The following BPIFB3 variants were observed in gnomAD, a reference collection of about 807,000 sequenced individuals.
The protein encoded by BPIFB3 is BPI fold-containing family B member 3.
BPIFB3 carries 49 observed loss-of-function variants against 53.1 expected under a neutral mutation model. The observed-to-expected ratio is 0.92, with a 90% confidence interval of 0.73 to 1.17. The LOEUF is 1.17. BPIFB3 is among the 50% of genes most tolerant of loss of function. BPIFB3 has a pLI of 0.00. For synonymous variants in BPIFB3, 271 were observed against 269.6 expected (o/e 1.01, Z -0.05); for missense variants, 628 against 592.5 (o/e 1.06, Z -0.62).
intron 1 of BPIFB3, among the ~76,000 whole-genome samples, chr20:33,056,042 A>T (rs542907181): frequency 1.3e-5 from 2 of 152,294 alleles, no homozygotes; most frequent in South Asian, 4.1e-4. Context: ...CCCTTCCCAC[A>T]GTCTGCACAG....
chr20:33,061,830 T>A, exon 5 of BPIFB3: 1 of 1,614,178 alleles, frequency 6.2e-7, no homozygotes. Flanking sequence ...CTTCCGGGAC[T>A]GGTGAGTGTG....
chr20:33,060,059 C>A lies in BPIFB3; in HGVS notation c.527+28C>A, dbSNP rs201767689. The A allele has an allele frequency of 2.7e-4, 436 of 1,609,418 alleles. 5 individuals are homozygous for A. In the East Asian group the frequency reaches 8.3e-3, roughly 31 times the overall value. On this transcript the variant is annotated intron_variant, in intron 4 of 14. Coordinates refer to ENST00000375494, the Ensembl canonical transcript of BPIFB3. ...GAGTCTGCAGGTTCCAGCCTGCAAC[C>A]CTGACCCGCTCAGGATCATCTCGCA... is the stretch of plus-strand genomic sequence containing the variant.
upstream of BPIFB3, among the ~76,000 whole-genome samples, chr20:33,054,608 G>A (rs1289507016): frequency 6.6e-6 from 1 of 152,142 alleles, no homozygotes; most frequent in Non-Finnish European, 1.5e-5. Flanking sequence ...AAGGGGCCTG[G>A]CATGTTTAAG....
At chr20:33,059,130 A>G (rs1600537043) in intron 2 of BPIFB3, among the ~76,000 whole-genome samples, 1 of 152,124 alleles carries the variant, frequency 6.6e-6, no homozygotes, top group African/African-American at 2.4e-5. Flanking sequence ...TTGAGCACAC[A>G]CCGTACCAGG....
chr20:33,069,826 A>G (rs1980811525), intron 10 of BPIFB3, 62 bp from the exon 12 acceptor site: 2 of 1,542,992 alleles, frequency 1.3e-6, no homozygotes, highest in South Asian at 2.2e-5. Flanking sequence ...GGATGGAGGC[A>G]GACCCGTCCT....
chr20:33,058,975 C>T lies in BPIFB3; in HGVS notation c.282-403C>T, dbSNP rs116987244. Among the ~76,000 whole-genome samples, 37 of 152,188 alleles carry T rather than the reference C, an allele frequency of 2.4e-4. 1 individual carries two copies. The East Asian group carries it at 6.6e-3, about 27-fold the overall frequency. ...GAGGAGTCGTGTTTGAGAACCCACT[C>T]GGGTTGCATTTGTGTGAGTGTGCAG... On this transcript the variant is annotated intron_variant, in intron 2 of 14. Coordinates refer to ENST00000375494, the Ensembl canonical transcript of BPIFB3.
intron 9 of BPIFB3, among the ~76,000 whole-genome samples, chr20:33,068,058 C>T (rs186666555): frequency 3.0e-4 from 46 of 152,314 alleles, no homozygotes; most frequent in Admixed American, 2.4e-3. Context: ...AGGCAGTCAG[C>T]GTATATCCAC....
chr20:33,069,681 A>G (rs907937474), intron 10 of BPIFB3, among the ~76,000 whole-genome samples: 2 of 152,078 alleles, frequency 1.3e-5, no homozygotes, highest in Admixed American at 6.5e-5. Context: ...CTACATTACC[A>G]ATTGCCCTCA....
At chr20:33,065,655 AC>A (rs1298327216) in intron 8 of BPIFB3, among the ~76,000 whole-genome samples, 1 of 152,194 alleles carries the variant, frequency 6.6e-6, no homozygotes, top group Admixed American at 6.5e-5. Context: ...ACCAAGAGTT[AC>A]CCAAACATTT....
chr20:33,054,850 A>C (rs1164208662), upstream of BPIFB3, among the ~76,000 whole-genome samples: 1 of 152,194 alleles, frequency 6.6e-6, no homozygotes, highest in Non-Finnish European at 1.5e-5. Flanking sequence ...TTTTTCAACA[A>C]GATTTGGGGT....
intron 8 of BPIFB3, among the ~76,000 whole-genome samples, chr20:33,066,569 A>G (rs1373272179): frequency 1.3e-5 from 2 of 152,168 alleles, no homozygotes; most frequent in East Asian, 1.9e-4. Flanking sequence ...AATGAGGGCA[A>G]TGGTAGCACC....
At chr20:33,061,650 A>G (rs184221641) in intron 4 of BPIFB3, 118 bp from the exon 6 acceptor site, 418 of 1,004,548 alleles carry the variant, frequency 4.2e-4, no homozygotes, top group Non-Finnish European at 5.6e-4. Context: ...CGCAGTCAAC[A>G]CCACCCCCAA....
intron 4 of BPIFB3, 137 bp downstream of exon 5, chr20:33,060,168 T>C (rs1980394144): frequency 8.5e-7 from 1 of 1,173,674 alleles, no homozygotes; most frequent in Admixed American, 2.5e-5. Flanking sequence ...TCCCGCCGGT[T>C]TCAACCCACT....
intron 11 of BPIFB3, 72 bp downstream of exon 12, chr20:33,070,027 G>T: frequency 6.5e-7 from 1 of 1,539,206 alleles, no homozygotes; most frequent in South Asian, 1.1e-5. Context: ...GACAGGATCC[G>T]CCTCCCGTTT....
At chr20:33,072,003 C>T in intron 12 of BPIFB3, 101 bp from the exon 14 acceptor site, 2 of 1,240,982 alleles carry the variant, frequency 1.6e-6, no homozygotes, top group Non-Finnish European at 2.3e-6. Context: ...GAGGCTGAGG[C>T]AGCTGGGCCC....
At chr20:33,055,450 G>C in exon 1 of BPIFB3, 2 of 1,613,668 alleles carry the variant, frequency 1.2e-6, no homozygotes, top group Non-Finnish European at 1.7e-6. Flanking sequence ...TGGCCCTGTG[G>C]TCCCTGCTTC....
intron 7 of BPIFB3, 42 bp downstream of exon 8, chr20:33,064,590 A>C: frequency 6.2e-7 from 1 of 1,612,820 alleles, no homozygotes; most frequent in South Asian, 1.1e-5. Flanking sequence ...GGGGGTGGCT[A>C]GATAGGGGAT....
rs745911718 is a variant in BPIFB3 at position 33,056,499 on chromosome 20, G to A, written c.125-43G>A. On this transcript the variant is annotated intron_variant, in intron 1 of 14. Transcript: ENST00000375494. Reference sequence around the variant, plus strand: ...GCAGCTGCCATGGTCCTGGGGGTGAGGTTGGAGTTTCTAGTACCTTCCTAC... The same window carrying A: ...GCAGCTGCCATGGTCCTGGGGGTGAAGTTGGAGTTTCTAGTACCTTCCTAC... 8.7e-6 allele frequency: 14 copies of A among 1,610,398 alleles called. No homozygotes were observed. In the Admixed American group the frequency reaches 1.2e-4, roughly 13 times the overall value.
chr20:33,069,851 C>G (rs370233450), intron 10 of BPIFB3, 37 bp from the exon 12 acceptor site: 30 of 1,611,764 alleles, frequency 1.9e-5, no homozygotes, highest in African/African-American at 2.7e-5. Context: ...CTCCTTCTGC[C>G]GATTGGGGGT....
Sources: allele counts gnomAD v4.1 joint callset (sites outside exome capture counted in the v4.1 genomes callset), GRCh38; gene constraint gnomAD v4.1.1; transcripts MANE v1.5; gene names NCBI Gene and HGNC (gene_info 2026-07-23, HGNC 2026-07-21).